ZSWIM6: variants seen among roughly 807,000 people sequenced by gnomAD.
The protein encoded by ZSWIM6 is zinc finger SWIM-type containing 6.
Under a neutral mutation model 113.2 loss-of-function variants are expected in ZSWIM6, and 9 were observed. That is an observed-to-expected ratio of 0.08 (90% confidence interval 0.05 to 0.14). The LOEUF (loss-of-function observed/expected upper bound fraction) is 0.14. Among genes scored for constraint, ZSWIM6 ranks in the 10% least tolerant of loss-of-function variants. ZSWIM6 has a pLI of 1.00. For missense variants in ZSWIM6, 1,162 were observed against 1,552.2 expected (o/e 0.75, Z 4.22); for synonymous variants, 611 against 606.5 (o/e 1.01, Z -0.11).
At chr5:61,340,640 G>A (rs559957766) in intron 1 of ZSWIM6, among the ~76,000 whole-genome samples, 136 of 152,278 alleles carry the variant, frequency 8.9e-4, no homozygotes, top group African/African-American at 3.0e-3. Flanking sequence ...GCCCAAACTC[G>A]TTGAGTAAAT....
chr5:61,477,204 A>C (rs2112192060), intron 2 of ZSWIM6, among the ~76,000 whole-genome samples: 1 of 152,258 alleles, frequency 6.6e-6, no homozygotes, highest in African/African-American at 2.4e-5. Context: ...TCTGATGGGA[A>C]ACTGTGGCCT....
chr5:61,476,536 T>C (rs1184659314), intron 2 of ZSWIM6, among the ~76,000 whole-genome samples: 2 of 151,576 alleles, frequency 1.3e-5, no homozygotes, highest in Non-Finnish European at 2.9e-5. Flanking sequence ...AAAGAGGCTG[T>C]AAGATAGTTA....
intron 1 of ZSWIM6, 129 bp downstream of exon 1, chr5:61,333,077 T>C: frequency 2.1e-6 from 2 of 973,726 alleles, no homozygotes; most frequent in Non-Finnish European, 2.5e-6. Context: ...GTGTCCTCAC[T>C]GGCCCGGACG....
At chr5:61,355,279 C>T (rs952080325) in intron 1 of ZSWIM6, among the ~76,000 whole-genome samples, 18 of 152,212 alleles carry the variant, frequency 1.2e-4, no homozygotes, top group African/African-American at 4.3e-4. Context: ...TGGAGGCCTA[C>T]AGTGGCTCCT....
intron 1 of ZSWIM6, among the ~76,000 whole-genome samples, chr5:61,415,736 T>C (rs988698669): frequency 6.6e-6 from 1 of 152,204 alleles, no homozygotes; most frequent in Non-Finnish European, 1.5e-5. Context: ...AAAAATGGCA[T>C]AACCAGTCAA....
chr5:61,427,571 T>G (rs543193619), intron 1 of ZSWIM6, among the ~76,000 whole-genome samples: 3 of 152,164 alleles, frequency 2.0e-5, no homozygotes, highest in Non-Finnish European at 2.9e-5. Context: ...CTTGAACTTA[T>G]GAGATCCACA....
intron 1 of ZSWIM6, among the ~76,000 whole-genome samples, chr5:61,424,491 C>T (rs1194627932): frequency 6.6e-6 from 1 of 152,166 alleles, no homozygotes; most frequent in Non-Finnish European, 1.5e-5. Flanking sequence ...GACAGATAAT[C>T]TCGGTTTTTT....
intron 1 of ZSWIM6, among the ~76,000 whole-genome samples, chr5:61,362,168 A>T (rs986449371): frequency 4.6e-5 from 7 of 152,026 alleles, no homozygotes; most frequent in South Asian, 2.1e-4. Flanking sequence ...TTATTTTTTT[A>T]AAATGGGAAA....
At chr5:61,361,102 A>C (rs1290428636) in intron 1 of ZSWIM6, among the ~76,000 whole-genome samples, 1 of 152,000 alleles carries the variant, frequency 6.6e-6, no homozygotes, top group Non-Finnish European at 1.5e-5. Flanking sequence ...GAGGAGTGGG[A>C]GTAGGTCCCA....
Position 61,332,940 on chromosome 5 carries a change from T to A in ZSWIM6, c.668T>A (p.Leu223Gln). The A allele has an allele frequency of 7.5e-7, 1 of 1,330,378 alleles. No homozygotes were observed. Among genetic ancestry groups the A allele is most frequent in the Non-Finnish European group, 9.7e-7 (1 of 1,030,410 alleles). The allele number at this position is 1,330,378 out of a possible 1,614,324, so 82.4% of individuals were successfully genotyped here. A position where few individuals can be genotyped will look rare whatever the true frequency, so the allele number is the denominator to read the frequency against. The change falls in exon 1 of 14, where the codon CTG becomes CAG. Residue 223 changes from leucine (L) to glutamine (Q), a missense_variant. Transcript: ENST00000252744. ...GAAAGCGGCTGCGTAGACAACGTCC[T>A]GCAAGTCGGTGAGTCACGGGGCAGC... is the stretch of plus-strand genomic sequence containing the variant. ...LLESGCVDNV[L>Q]QVGFHLSGTV... is the part of the protein sequence containing the mutation.
intron 1 of ZSWIM6, among the ~76,000 whole-genome samples, chr5:61,338,499 G>A (rs1374144492): frequency 6.6e-6 from 1 of 152,134 alleles, no homozygotes; most frequent in Non-Finnish European, 1.5e-5. Flanking sequence ...GAGTTGAGAT[G>A]TTTGATTTAT....
chr5:61,512,148 A>G (rs1365654701), intron 4 of ZSWIM6, among the ~76,000 whole-genome samples: 1 of 152,084 alleles, frequency 6.6e-6, no homozygotes, highest in Non-Finnish European at 1.5e-5. Context: ...GTCCCTAGCA[A>G]CCACTGATCT....
At chr5:61,473,167 G>T in intron 2 of ZSWIM6, 130 bp downstream of exon 2, 1 of 561,384 alleles carries the variant, frequency 1.8e-6, no homozygotes. Context: ...GGTCAAAAGA[G>T]ATTTTTACAT....
chr5:61,372,768 C>G (rs1312269865), intron 1 of ZSWIM6, among the ~76,000 whole-genome samples: 1 of 152,152 alleles, frequency 6.6e-6, no homozygotes, highest in Non-Finnish European at 1.5e-5. Flanking sequence ...CTGCTTTTCT[C>G]TATTAGTTTC....
At chr5:61,440,360 T>TAAAAAAA (rs11356012) in intron 1 of ZSWIM6, among the ~76,000 whole-genome samples, 1 of 113,094 alleles carries the variant, frequency 8.8e-6, no homozygotes, top group Non-Finnish European at 1.8e-5. Context: ...TTCATTGGTG[T>TAAAAAAA]AAAAAAAAAA....
intron 1 of ZSWIM6, among the ~76,000 whole-genome samples, chr5:61,448,603 G>C (rs1411696211): frequency 1.3e-5 from 2 of 152,136 alleles, no homozygotes; most frequent in East Asian, 3.9e-4. Flanking sequence ...TTTGGGGGAG[G>C]AGGGTAGATG....
At chr5:61,406,900 A>G (rs1579979852) in intron 1 of ZSWIM6, among the ~76,000 whole-genome samples, 1 of 152,090 alleles carries the variant, frequency 6.6e-6, no homozygotes, top group South Asian at 2.1e-4. Flanking sequence ...TTTAGTAGAG[A>G]CGGTGTTTTG....
chr5:61,391,385 T>G, intron 1 of ZSWIM6: 3 of 851,444 alleles, frequency 3.5e-6, no homozygotes, highest in Middle Eastern at 3.3e-4. Flanking sequence ...GTGTAGGCAA[T>G]GATGCAGATG....
chr5:61,519,764 C>T (rs187245571), intron 4 of ZSWIM6, among the ~76,000 whole-genome samples: 1 of 152,024 alleles, frequency 6.6e-6, no homozygotes, highest in African/African-American at 2.4e-5. Context: ...ATAGCAGTCC[C>T]CAACCTTTTT....
Sources: gnomAD v4.1 joint callset for allele counts (sites outside exome capture counted in the v4.1 genomes callset) on GRCh38, gnomAD v4.1.1 for gene constraint, MANE v1.5 for transcripts, NCBI Gene and HGNC (gene_info 2026-07-23, HGNC 2026-07-21) for gene names.